Variants in CPQ observed in about 807,000 individuals in gnomAD.
CPQ encodes Ser-Met dipeptidase.
CPQ carries 37 observed loss-of-function variants against 45.7 expected under a neutral mutation model. That is an observed-to-expected ratio of 0.81 (90% CI 0.62 to 1.07). The LOEUF (loss-of-function observed/expected upper bound fraction) is 1.07. Among genes scored for constraint, CPQ ranks in the 50% least tolerant of loss-of-function variants. CPQ has a pLI of 0.00. For synonymous variants in CPQ, 186 were observed against 205.8 expected (o/e 0.90, Z 0.82); for missense variants, 537 against 572.9 (o/e 0.94, Z 0.64).
At chr8:97,053,476 C>T (rs1468676564) in intron 6 of CPQ, among the ~76,000 whole-genome samples, 1 of 152,070 alleles carries the variant, frequency 6.6e-6, no homozygotes, top group South Asian at 2.1e-4. Context: ...AGGAGAGCCA[C>T]GTGGATACCT....
chr8:96,872,853 A>G (rs2130875679), intron 3 of CPQ, among the ~76,000 whole-genome samples: 1 of 152,096 alleles, frequency 6.6e-6, no homozygotes, highest in Admixed American at 6.6e-5. Context: ...CAAAACATTA[A>G]GTGTAAAATT....
chr8:97,069,624 A>G (rs1204098357), intron 7 of CPQ, among the ~76,000 whole-genome samples: 2 of 152,150 alleles, frequency 1.3e-5, no homozygotes, highest in African/African-American at 4.8e-5. Flanking sequence ...TTATAGCTTA[A>G]AGCTAAGGGT....
chr8:96,691,159 G>T (rs918571449), intron 1 of CPQ, among the ~76,000 whole-genome samples: 15 of 152,292 alleles, frequency 9.8e-5, no homozygotes, highest in African/African-American at 3.6e-4. Context: ...CAGGGATGCT[G>T]TTCCTTCAGA....
intron 1 of CPQ, among the ~76,000 whole-genome samples, chr8:96,763,059 C>T (rs1172386543): frequency 6.6e-6 from 1 of 152,094 alleles, no homozygotes; most frequent in East Asian, 1.9e-4. Flanking sequence ...GCCATCTTCT[C>T]CTTATGTCTT....
intron 6 of CPQ, among the ~76,000 whole-genome samples, chr8:97,035,305 T>C (rs1007476341): frequency 1.3e-5 from 2 of 152,218 alleles, no homozygotes; most frequent in African/African-American, 2.4e-5. Flanking sequence ...TTGTTTCCAG[T>C]TTTAGCTATT....
intron 1 of CPQ, among the ~76,000 whole-genome samples, chr8:96,751,717 C>T (rs1810264554): frequency 6.6e-6 from 1 of 152,146 alleles, no homozygotes; most frequent in Non-Finnish European, 1.5e-5. Context: ...TTGCCCATGC[C>T]TCTGTCCTGA....
At chr8:97,088,081 A>G (rs1811070147) in intron 7 of CPQ, among the ~76,000 whole-genome samples, 1 of 152,182 alleles carries the variant, frequency 6.6e-6, no homozygotes. Context: ...CTTTTACTTC[A>G]TAGTATGTTG....
At chr8:96,864,246 A>G (rs928389488) in intron 3 of CPQ, among the ~76,000 whole-genome samples, 4 of 152,014 alleles carry the variant, frequency 2.6e-5, no homozygotes. Context: ...CTAGGCACCT[A>G]GTATGTTTAG....
chr8:96,661,102 A>G (rs1360327889), intron 1 of CPQ, among the ~76,000 whole-genome samples: 2 of 152,250 alleles, frequency 1.3e-5, no homozygotes, highest in Non-Finnish European at 1.5e-5. Context: ...GAACTAGTTA[A>G]GAAATGCTAA....
chr8:97,046,027 A>C (rs1389050861), intron 6 of CPQ, among the ~76,000 whole-genome samples: 1 of 152,210 alleles, frequency 6.6e-6, no homozygotes, highest in Admixed American at 6.5e-5. Flanking sequence ...TTGTGAGTGC[A>C]AAGTGAGCAC....
chr8:96,772,663 G>C (rs1563493215), intron 1 of CPQ, among the ~76,000 whole-genome samples: 1 of 152,088 alleles, frequency 6.6e-6, no homozygotes, highest in East Asian at 1.9e-4. Context: ...AGGAAGAAGA[G>C]TGTTTGGAAA....
intron 7 of CPQ, among the ~76,000 whole-genome samples, chr8:97,142,481 G>C (rs1038608034): frequency 3.3e-5 from 5 of 152,154 alleles, no homozygotes; most frequent in African/African-American, 1.2e-4. Flanking sequence ...GAACAAAGGG[G>C]TATTGGCTTT....
intron 6 of CPQ, among the ~76,000 whole-genome samples, chr8:97,044,849 T>C (rs191992637): frequency 6.6e-6 from 1 of 152,332 alleles, no homozygotes; most frequent in Non-Finnish European, 1.5e-5. Context: ...CTGGAATTTT[T>C]GTCTCAGAGG....
intron 6 of CPQ, among the ~76,000 whole-genome samples, chr8:97,061,032 G>C (rs906361560): frequency 2.0e-5 from 3 of 152,088 alleles, no homozygotes; most frequent in African/African-American, 2.4e-5. Flanking sequence ...GTTCTTTATT[G>C]AAAACATATG....
chr8:96,785,544 A>C (rs1039057558), intron 2 of CPQ, among the ~76,000 whole-genome samples: 1 of 152,036 alleles, frequency 6.6e-6, no homozygotes, highest in African/African-American at 2.4e-5. Flanking sequence ...TAAATGTAGA[A>C]TCTGTAGCTA....
Position 97,051,175 on chromosome 8 carries a change from C to T in CPQ, c.1054-14834C>T, listed in dbSNP as rs534127125. Among the ~76,000 whole-genome samples, 13 of 152,298 alleles carry T rather than the reference C, an allele frequency of 8.5e-5. No homozygotes were observed. The East Asian group carries it at 2.3e-3, about 27-fold the overall frequency. On this transcript the variant is annotated intron_variant, in intron 6 of 7. Coordinates refer to ENST00000220763, the MANE Select transcript of CPQ (RefSeq NM_016134.4). ...ACTAATAAAGCTACCATTTGCCCAA[C>T]AGAGGTTCTTGACCATTGCTGTGCC...
chr8:96,768,294 T>A (rs1289935420), intron 1 of CPQ, among the ~76,000 whole-genome samples: 1 of 152,100 alleles, frequency 6.6e-6, no homozygotes, highest in East Asian at 1.9e-4. Flanking sequence ...AACACTTTTT[T>A]TTTTTTTTGC....
chr8:96,785,122 A>G lies in CPQ; in HGVS notation c.225A>G (p.Gly75=). 1 of 1,613,708 alleles carries G rather than the reference A, an allele frequency of 6.2e-7. No homozygotes were observed. The highest frequency in any genetic ancestry group is 8.5e-7 in the Non-Finnish European group (1 of 1,179,808). Residue 75 remains glycine (G), a synonymous_variant, in exon 2 of 8, where the codon GGA becomes GGG. Coordinates refer to ENST00000220763, the MANE Select transcript of CPQ (RefSeq NM_016134.4). ...TGGCACTTCTGGTTGATACTGTTGG[A>G]CCCAGACTGAGTGGCTCCAAGAACC... ...ERLALLVDTV[G]PRLSGSKNLE...
At chr8:96,948,489 T>C (rs1813218413) in intron 4 of CPQ, among the ~76,000 whole-genome samples, 1 of 152,174 alleles carries the variant, frequency 6.6e-6, no homozygotes, top group African/African-American at 2.4e-5. Flanking sequence ...TGTCATTCCA[T>C]TGTGGTCAGA....
Sources: allele counts gnomAD v4.1 joint callset (sites outside exome capture counted in the v4.1 genomes callset), GRCh38; gene constraint gnomAD v4.1.1; transcripts MANE v1.5; gene names NCBI Gene and HGNC (gene_info 2026-07-23, HGNC 2026-07-21).